PARP14: variants seen among roughly 807,000 people sequenced by gnomAD.
PARP14 encodes the protein protein mono-ADP-ribosyltransferase PARP14.
A neutral mutation model predicts 154.2 loss-of-function variants in PARP14; 59 were observed. The ratio of observed to expected loss-of-function variants is 0.38; its 90% confidence interval spans 0.31 to 0.48. The LOEUF is 0.48. Ranked by LOEUF, PARP14 falls within the 20% of genes least tolerant of loss-of-function variation. The pLI is 0.98. For synonymous variants in PARP14, 720 were observed against 780.5 expected (o/e 0.92, Z 1.29); for missense variants, 1,734 against 2,131.6 (o/e 0.81, Z 3.67).
In PARP14 at chr3:122,712,336, C is replaced by T. The variant is rs558672670; in HGVS notation, c.3620-1088C>T. 7.2e-5 allele frequency among the ~76,000 whole-genome samples: 11 copies of T among 151,858 alleles called. No individual in the cohort carries two copies. In the South Asian group the frequency reaches 1.5e-3, roughly 20 times the overall value. On this transcript the variant is annotated intron_variant, in intron 9 of 16. Transcript: ENST00000474629. Reference sequence around the variant, plus strand: ...TTGGCTCACTGCAACCTCCGCCTCCCGGGTTCAAGTGATTTCCTTGCTCAG... The same window carrying T: ...TTGGCTCACTGCAACCTCCGCCTCCTGGGTTCAAGTGATTTCCTTGCTCAG...
rs1933078356 is a variant in PARP14 at position 122,718,969 on chromosome 3, C to T, written c.4807+11C>T. The T allele has an allele frequency of 1.9e-6, 3 of 1,549,584 alleles. No homozygotes were observed. The highest frequency in any genetic ancestry group is 1.2e-5 in the South Asian group (1 of 81,028). On this transcript the variant is annotated intron_variant, in intron 14 of 16. Coordinates refer to ENST00000474629, the MANE Select transcript of PARP14 (RefSeq NM_017554.3). Reference sequence around the variant, plus strand: ...TCACGAAATCCAAAGGTGAGTTAAACATTCATACTTGTCATCCACTATTTC... The same window carrying T: ...TCACGAAATCCAAAGGTGAGTTAAATATTCATACTTGTCATCCACTATTTC...
In PARP14 at chr3:122,699,603, G is replaced by A. The variant is rs754558736; in HGVS notation, c.1049G>A (p.Arg350His). 122 of 1,613,936 alleles carry A rather than the reference G, an allele frequency of 7.6e-5. No individual in the cohort carries two copies. The highest frequency in any genetic ancestry group is 8.5e-5 in the Non-Finnish European group (100 of 1,179,802). The change falls in exon 6 of 17, where the codon CGT becomes CAT. Residue 350 changes from arginine (R) to histidine (H), a missense_variant. By Grantham distance (29) the Arg-to-His change is conservative (BLOSUM62 0). Transcript: ENST00000474629. ...GAGGAGATAAACGATGAAATGAGGCGTTGTCACTGTGAGCTCACGTGGTCC... is the reference window on the plus strand; with the variant it reads ...GAGGAGATAAACGATGAAATGAGGCATTGTCACTGTGAGCTCACGTGGTCC... ...LIEEINDEMR[R>H]CHCELTWSQL...
intron 15 of PARP14, among the ~76,000 whole-genome samples, chr3:122,725,389 A>G (rs919501): frequency 0.88 from 132,487 of 149,820 alleles, 58,490 homozygotes; most frequent in East Asian, 0.98. Context: ...CGGCCGGGCA[A>G]AGGTGCTCCC....
rs545569610 is a variant in PARP14 at position 122,700,827 on chromosome 3, C to T, written c.2273C>T (p.Ala758Val). ...GCCAAGCAGTTCTTCCAGGATAAAG[C>T]ACGGTTTTATCAAAGTGAGATCAAA... ...PGAKQFFQDK[A>V]RFYQSEIKRL... Residue 758 changes from alanine (A) to valine (V), a missense_variant, in exon 6 of 17, where the codon GCA becomes GTA. Around this residue, in one of 2 missense-constraint regions of PARP14, gnomAD observed 1,646 missense variants for 1,976.0 expected, o/e 0.83. Coordinates refer to ENST00000474629, the MANE Select transcript of PARP14 (RefSeq NM_017554.3). The T allele has an allele frequency of 1.7e-4, 282 of 1,613,896 alleles. 1 individual carries two copies. The highest frequency in any genetic ancestry group is 1.3e-3 in the South Asian group (121 of 91,072).
At chr3:122,689,390 C>T (rs1576581566) in intron 3 of PARP14, among the ~76,000 whole-genome samples, 1 of 152,168 alleles carries the variant, frequency 6.6e-6, no homozygotes, top group East Asian at 1.9e-4. Flanking sequence ...ACTGCAGCCT[C>T]GACCTCCCTG....
intron 9 of PARP14, among the ~76,000 whole-genome samples, chr3:122,710,103 T>C (rs543875148): frequency 8.5e-5 from 13 of 152,296 alleles, no homozygotes; most frequent in African/African-American, 2.9e-4. Context: ...TTGCATTTGC[T>C]TTTGGGGTCT....
At chr3:122,706,643 T>C (rs931328133) in intron 8 of PARP14, among the ~76,000 whole-genome samples, 1 of 152,166 alleles carries the variant, frequency 6.6e-6, no homozygotes, top group Non-Finnish European at 1.5e-5. Flanking sequence ...CTTACCTACC[T>C]GGCTCCTAGA....
intron 2 of PARP14, chr3:122,686,829 C>T (rs1938390079): frequency 2.2e-6 from 1 of 450,536 alleles, no homozygotes; most frequent in Non-Finnish European, 4.0e-6. Context: ...TAGGATGTAC[C>T]TCATATTCCC....
At position 122,718,947 on chromosome 3, in the gene PARP14, C is replaced by T. The variant is rs200872488; in HGVS notation, c.4796C>T (p.Thr1599Met). 2.2e-5 allele frequency: 34 copies of T among 1,576,516 alleles called. No homozygotes were observed. The highest frequency in any genetic ancestry group is 1.4e-4 in the South Asian group (12 of 85,244). ...CACAGTTTATCTGTTCAGCGCCTCA[C>T]GAAATCCAAAGGTGAGTTAAACATT... ...KGHSLSVQRL[T>M]KSKVDIPAHW... The change falls in exon 14 of 17, where the codon ACG (threonine) becomes ATG (methionine). Residue 1599 changes from threonine (T) to methionine (M), a missense_variant. By Grantham distance (81) the Thr-to-Met change is moderately conservative. Coordinates refer to ENST00000474629, the MANE Select transcript of PARP14 (RefSeq NM_017554.3).
intron 12 of PARP14, among the ~76,000 whole-genome samples, chr3:122,716,291 A>G (rs1464124808): frequency 6.6e-6 from 1 of 152,130 alleles, no homozygotes; most frequent in Non-Finnish European, 1.5e-5. Context: ...CCTTCCTCTT[A>G]TATCCCCAAT....
rs562373029 is a variant in PARP14, at chr3:122,703,339, CT to C, written c.3082-402del. ...TTCTAGCCTGGAGCATACCATTTTGCTGCAGAAGCTCTCTCAGATCAAATTA... is the reference window on the plus strand; with the variant it reads ...TTCTAGCCTGGAGCATACCATTTTGCGCAGAAGCTCTCTCAGATCAAATTA... On this transcript the variant is annotated intron_variant, in intron 6 of 16. Coordinates refer to ENST00000474629, the MANE Select transcript of PARP14 (RefSeq NM_017554.3). Among the ~76,000 whole-genome samples, 25 of 152,296 alleles carry C rather than the reference CT, an allele frequency of 1.6e-4. No homozygotes were observed. The East Asian group carries it at 4.4e-3, about 27-fold the overall frequency.
chr3:122,699,387 A>C lies in PARP14; in HGVS notation c.836-3A>C, dbSNP rs111719906. On this transcript the variant is annotated splice_region_variant and splice_polypyrimidine_tract_variant and intron_variant, in intron 5 of 16. Transcript: ENST00000474629. ...TACATTATTTTACTTCTTTCCTTTT[A>C]AGTGTTAGACACCATCATGGCCACA... 4.6e-5 allele frequency: 72 copies of C among 1,566,156 alleles called. 2 individuals carry two copies. The highest frequency in any genetic ancestry group is 4.4e-4 in the African/African-American group (32 of 72,934).
At chr3:122,685,974 C>A (rs1938362116) in intron 2 of PARP14, among the ~76,000 whole-genome samples, 1 of 152,122 alleles carries the variant, frequency 6.6e-6, no homozygotes, top group Non-Finnish European at 1.5e-5. Context: ...GAGGAGACAG[C>A]AATCCATACT....
In PARP14 at chr3:122,701,173, C is replaced by T; in HGVS notation, c.2619C>T (p.Pro873=). The T allele has an allele frequency of 6.2e-7, 1 of 1,613,546 alleles. No homozygotes were observed. Among genetic ancestry groups the T allele is most frequent in the Non-Finnish European group, 8.5e-7 (1 of 1,179,706 alleles). The change falls in exon 6 of 17, where the codon CCC becomes CCT. Residue 873 remains proline (P), a synonymous_variant. Transcript: ENST00000474629. The surrounding 1 kb of genome is among the most constrained non-coding windows in gnomAD (Gnocchi z 4.0). ...CCATCTCCAAGGCAGGAAAGCTGCC[C>T]TACCACCACGTGATCCATGCAGTGG... ...NATISKAGKL[P]YHHVIHAVGP...
intron 9 of PARP14, among the ~76,000 whole-genome samples, chr3:122,711,146 G>A (rs1939309269): frequency 6.6e-6 from 1 of 152,158 alleles, no homozygotes; most frequent in Non-Finnish European, 1.5e-5. Flanking sequence ...TGGTAAAAGT[G>A]GGCATCCTTG....
In PARP14 at chr3:122,701,480, A is replaced by T. The variant is rs780595947; in HGVS notation, c.2926A>T (p.Thr976Ser). 1 of 1,613,838 alleles carries T rather than the reference A, an allele frequency of 6.2e-7. No homozygotes were observed. Among genetic ancestry groups the T allele is most frequent in the East Asian group, 2.2e-5 (1 of 44,876 alleles). Reference protein sequence around the residue: ...TVEAFAEAVKTVFKATLPDTA... With the variant: ...TVEAFAEAVKSVFKATLPDTA... ...TGAGGCCTTTGCAGAAGCTGTGAAA[A>T]CTGTATTTAAAGCCACCCTGCCAGA... The change falls in exon 6 of 17, where the codon ACT (threonine) becomes TCT (serine). Residue 976 changes from threonine to serine, a missense_variant. Around this residue, in one of 2 missense-constraint regions of PARP14, gnomAD observed 1,646 missense variants for 1,976.0 expected, o/e 0.83. Coordinates refer to ENST00000474629, the MANE Select transcript of PARP14 (RefSeq NM_017554.3). This position sits in a 1 kb window ranked among gnomAD's most constrained non-coding sequence, Gnocchi z 4.0.
intron 15 of PARP14, among the ~76,000 whole-genome samples, chr3:122,724,612 T>C (rs2107656020): frequency 6.6e-6 from 1 of 151,902 alleles, no homozygotes; most frequent in African/African-American, 2.4e-5. Context: ...GCCATATTCA[T>C]GTTTTCAATT....
At chr3:122,689,849 TCTAGTCTGCTTTTCTGGC>T (rs1938485295) in intron 3 of PARP14, among the ~76,000 whole-genome samples, 1 of 152,198 alleles carries the variant, frequency 6.6e-6, no homozygotes, top group African/African-American at 2.4e-5. Context: ...ACCTTCTGGA[TCTAGTCTGCTTTTCTGGC>T]CTCATTTTCT....
rs763195721 is a variant in PARP14, at chr3:122,700,130, G to A, written c.1576G>A (p.Glu526Lys). The change falls in exon 6 of 17, where the codon GAA (glutamate) becomes AAA (lysine). Residue 526 changes from glutamate (E) to lysine (K), a missense_variant. Around this residue, in one of 2 missense-constraint regions of PARP14, gnomAD observed 1,646 missense variants for 1,976.0 expected, o/e 0.83. Transcript: ENST00000474629. ...GTATAAAGCAAAGTGTGAAATCCAG[G>A]AAAAGGTGTACACCATGGCTCAGAA... ...DVYKAKCEIQ[E>K]KVYTMAQKNI... 5 of 1,613,686 alleles carry A rather than the reference G, an allele frequency of 3.1e-6. No individual in the cohort carries two copies. The highest frequency in any genetic ancestry group is 1.6e-4 in the Middle Eastern group (1 of 6,062).
Sources: gnomAD v4.1 joint callset for allele counts (sites outside exome capture counted in the v4.1 genomes callset) on GRCh38, gnomAD v4.1.1 for gene constraint, gnomAD v4.1.1 regional missense constraint, Gnocchi (gnomAD v3.1) non-coding constraint, MANE v1.5 for transcripts, NCBI Gene and HGNC (gene_info 2026-07-23, HGNC 2026-07-21) for gene names.